Variants in TNFAIP6 observed in about 807,000 individuals in gnomAD.
TNFAIP6 encodes TNF alpha induced protein 6, also known as tumor necrosis factor-inducible gene 6 protein.
Under a neutral mutation model 33.7 loss-of-function variants are expected in TNFAIP6, and 36 were observed. That is an observed-to-expected ratio of 1.07 (90% CI 0.82 to 1.41). The LOEUF (loss-of-function observed/expected upper bound fraction) is 1.41, where lower values mean the gene tolerates loss of function less well. Ranked by LOEUF, TNFAIP6 falls within the 40% of genes most tolerant of loss-of-function variation. The pLI is 0.00. For synonymous variants in TNFAIP6, 113 were observed against 112.8 expected, an observed-to-expected ratio of 1.00 and a Z score of -0.01; for missense variants, 273 against 331.9, an observed-to-expected ratio of 0.82 and a Z score of 1.38.
intron 5 of TNFAIP6, among the ~76,000 whole-genome samples, chr2:151,374,039 AAAG>A (rs760354536): frequency 1.3e-5 from 2 of 152,198 alleles, no homozygotes; most frequent in Non-Finnish European, 2.9e-5. Flanking sequence ...TTCAAATAAC[AAAG>A]TTCTGTGAGA....
rs1684984170 is a variant in TNFAIP6, at chr2:151,379,877, A to G, written c.*344A>G. The G allele has an allele frequency of 6.4e-6, 1 of 155,308 alleles. No individual in the cohort carries two copies. Among genetic ancestry groups the G allele is most frequent in the Admixed American group, 6.5e-5 (1 of 15,380 alleles). 9.6% of individuals were successfully genotyped at this position (155,308 alleles called of 1,614,324 possible). Reference sequence around the variant, plus strand: ...TTGTATTATACTTTTTAAATCTTGAACTTTATAAACATTTTCTGAAATCAT... The same window carrying G: ...TTGTATTATACTTTTTAAATCTTGAGCTTTATAAACATTTTCTGAAATCAT... On this transcript the variant is annotated 3_prime_UTR_variant, in exon 6 of 6. Transcript: ENST00000243347.
intron 3 of TNFAIP6, among the ~76,000 whole-genome samples, chr2:151,369,444 T>A (rs533008946): frequency 5.3e-5 from 8 of 152,232 alleles, no homozygotes; most frequent in Admixed American, 2.0e-4. Flanking sequence ...TGAGCATCAC[T>A]ACACCTAGCC....
intron 3 of TNFAIP6, among the ~76,000 whole-genome samples, chr2:151,366,686 C>T (rs551865477): frequency 1.4e-4 from 22 of 152,058 alleles, no homozygotes; most frequent in Non-Finnish European, 2.6e-4. Flanking sequence ...TTTGATACAA[C>T]GGGGAAAAGG....
intron 5 of TNFAIP6, among the ~76,000 whole-genome samples, chr2:151,378,212 A>G (rs1684952202): frequency 6.6e-6 from 1 of 152,112 alleles, no homozygotes; most frequent in African/African-American, 2.4e-5. Context: ...AAACAAAAAG[A>G]AGGCCTTTGC....
At chr2:151,359,760 C>T (rs757339945) in intron 1 of TNFAIP6, among the ~76,000 whole-genome samples, 144 of 152,212 alleles carry the variant, frequency 9.5e-4, no homozygotes, top group African/African-American at 3.3e-3. Context: ...CCTGGCAGGC[C>T]GCAAGTTGGA....
In TNFAIP6 at chr2:151,370,150, G is replaced by C. The variant is rs1366463417; in HGVS notation, c.525G>C (p.Leu175=). 1.9e-6 allele frequency: 3 copies of C among 1,614,092 alleles called. No individual in the cohort carries two copies. Among genetic ancestry groups the C allele is most frequent in the Non-Finnish European group, 2.5e-6 (3 of 1,180,024 alleles). The change falls in exon 4 of 6, where the codon CTG becomes CTC. Residue 175 remains leucine, a synonymous_variant. Coordinates refer to ENST00000243347, the MANE Select transcript of TNFAIP6 (RefSeq NM_007115.4). The part of the protein sequence containing the change: ...IRLKYGQRIH[L]SFLDFDLEDD... ...TCAAGTATGGTCAGCGTATTCACCT[G>C]AGTTTTTTAGATTTTGACCTTGAAG...
intron 3 of TNFAIP6, among the ~76,000 whole-genome samples, chr2:151,367,740 T>C (rs1012875386): frequency 1.3e-5 from 2 of 152,142 alleles, no homozygotes; most frequent in African/African-American, 4.8e-5. Context: ...TCTCAGTGCA[T>C]TTAGCTCGCT....
At chr2:151,378,958 G>T (rs1346041543) in intron 5 of TNFAIP6, among the ~76,000 whole-genome samples, 1 of 152,014 alleles carries the variant, frequency 6.6e-6, no homozygotes, top group East Asian at 2.0e-4. Context: ...AAATCTGCCA[G>T]GTGTGGTGGT....
chr2:151,370,425 T>C (rs1684797138), intron 4 of TNFAIP6, among the ~76,000 whole-genome samples, 177 bp downstream of exon 4: 1 of 152,370 alleles, frequency 6.6e-6, no homozygotes, highest in African/African-American at 2.4e-5. Context: ...AACATACTTA[T>C]TAAAGCAGTG....
intron 1 of TNFAIP6, among the ~76,000 whole-genome samples, chr2:151,361,055 A>AT (rs149041946): frequency 0.02 from 3,067 of 152,044 alleles, 78 homozygotes; most frequent in East Asian, 0.06. Flanking sequence ...AAATCTGTTA[A>AT]TTTTTTTGTT....
chr2:151,373,744 C>CAAAA (rs35356355), intron 5 of TNFAIP6, 155 bp downstream of exon 5: 32 of 243,714 alleles, frequency 1.3e-4, no homozygotes, highest in Middle Eastern at 1.3e-3. Context: ...TTGTAAAATG[C>CAAAA]AAAAAAAAAA....
At position 151,370,031 on chromosome 2, in the gene TNFAIP6, G is replaced by A. The variant is rs1684787170; in HGVS notation, c.406G>A (p.Gly136Ser). ...TCTTCTCATTTCAGCAAAGGAGTGTGGTGGCGTCTTTACAGATCCAAAGCA... is the reference window on the plus strand; with the variant it reads ...TCTTCTCATTTCAGCAAAGGAGTGTAGTGGCGTCTTTACAGATCCAAAGCA... ...YCYNPHAKEC[G>S]GVFTDPKQIF... The change falls in exon 4 of 6, where the codon GGT (glycine) becomes AGT (serine). Residue 136 changes from glycine (G) to serine (S), a missense_variant. By Grantham distance (56) the Gly-to-Ser change is moderately conservative (BLOSUM62 0). Coordinates refer to ENST00000243347, the MANE Select transcript of TNFAIP6 (RefSeq NM_007115.4). 8.7e-6 allele frequency: 14 copies of A among 1,612,774 alleles called. No individual in the cohort carries two copies. Among genetic ancestry groups the A allele is most frequent in the Non-Finnish European group, 1.1e-5 (13 of 1,179,144 alleles).
intron 1 of TNFAIP6, among the ~76,000 whole-genome samples, chr2:151,359,933 T>C (rs1684597594): frequency 6.6e-6 from 1 of 152,208 alleles, no homozygotes; most frequent in Non-Finnish European, 1.5e-5. Flanking sequence ...ATTACAATCA[T>C]TTTACATGGA....
chr2:151,359,194 C>G (rs1010196655), intron 1 of TNFAIP6, among the ~76,000 whole-genome samples: 3 of 152,102 alleles, frequency 2.0e-5, no homozygotes, highest in Admixed American at 6.5e-5. Context: ...ACCAGCCAGC[C>G]TAGCACAGAT....
chr2:151,380,530 C>T (rs1213704092), downstream of TNFAIP6, among the ~76,000 whole-genome samples: 2 of 152,082 alleles, frequency 1.3e-5, no homozygotes, highest in African/African-American at 4.8e-5. Flanking sequence ...ATTTGCAATT[C>T]TAGAATCAGG....
At chr2:151,362,480 CTTTTTT>C (rs34640251) in intron 1 of TNFAIP6, among the ~76,000 whole-genome samples, 6,403 of 57,046 alleles carry the variant, frequency 0.11, 267 homozygotes, top group Middle Eastern at 0.3. Context: ...TTACTAAATT[CTTTTTT>C]TTTTTTTTTT....
At position 151,373,607 on chromosome 2, in the gene TNFAIP6, G is replaced by A. The variant is rs1416077695; in HGVS notation, c.664+18G>A. ...CAGTACAGGTAAGGTTTTAAATTGA[G>A]GACCAAAACTATGATTTGTTTCTTT... On this transcript the variant is annotated intron_variant, in intron 5 of 5. Coordinates refer to ENST00000243347, the MANE Select transcript of TNFAIP6 (RefSeq NM_007115.4). 4 of 1,467,070 alleles carry A rather than the reference G, an allele frequency of 2.7e-6. No individual in the cohort carries two copies. Among genetic ancestry groups the A allele is most frequent in the African/African-American group, 2.8e-5 (2 of 71,272 alleles). The allele number at this position is 1,467,070 out of a possible 1,614,324, so 90.9% of individuals were successfully genotyped here.
At chr2:151,369,273 A>T (rs1052852676) in intron 3 of TNFAIP6, among the ~76,000 whole-genome samples, 9 of 152,200 alleles carry the variant, frequency 5.9e-5, no homozygotes, top group African/African-American at 1.4e-4. Context: ...AAATATTTTT[A>T]AAAGTACAAT....
chr2:151,366,199 T>A lies in TNFAIP6; in HGVS notation c.376T>A (p.Tyr126Asn), dbSNP rs1477613107. The change falls in exon 3 of 6, where the codon TAT becomes AAT. Residue 126 changes from tyrosine to asparagine, a missense_variant. Tyr to Asn is a moderately radical substitution (Grantham distance 143). Transcript: ENST00000243347. ...CAATAGGAGTGAAAGATGGGATGCC[T>A]ATTGCTACAACCCACACGGTGTGTT... ...RLNRSERWDA[Y>N]CYNPHAKECG... 6.2e-7 allele frequency: 1 copy of A among 1,614,136 alleles called. No homozygotes were observed. Among genetic ancestry groups the A allele is most frequent in the Admixed American group, 1.7e-5 (1 of 60,022 alleles).
Sources: gnomAD v4.1 joint callset for allele counts (sites outside exome capture counted in the v4.1 genomes callset) on GRCh38, gnomAD v4.1.1 for gene constraint, MANE v1.5 for transcripts, NCBI Gene and HGNC (gene_info 2026-07-23, HGNC 2026-07-21) for gene names.